The following P4HA2 variants were observed in gnomAD, a reference collection of about 807,000 sequenced individuals.
The protein encoded by P4HA2 is prolyl 4-hydroxylase subunit alpha 2, also known as prolyl 4-hydroxylase subunit alpha-2.
A neutral mutation model predicts 76.9 loss-of-function variants in P4HA2; 46 were observed. The observed-to-expected ratio is 0.60, with a 90% CI of 0.47 to 0.76. P4HA2 has a LOEUF of 0.76. Ranked by LOEUF, P4HA2 falls within the 30% of genes least tolerant of loss-of-function variation. The probability of loss-of-function intolerance (pLI) is 0.00; values close to 1 mark genes in which losing one functional copy is unlikely to be tolerated. For missense variants in P4HA2, 583 were observed against 669.4 expected, an observed-to-expected ratio of 0.87 and a Z score of 1.42; for synonymous variants, 243 against 254.0, an observed-to-expected ratio of 0.96 and a Z score of 0.41.
In P4HA2 at chr5:132,227,175, G is replaced by T. The variant is rs187677587; in HGVS notation, c.-19+615C>A. ...GCTTGCGGTTTCTGGCACACAGAAG[G>T]GTCCCGTTTGTTGAATTAGTTAACG... On this transcript the variant is annotated intron_variant, in intron 1 of 14. Transcript: ENST00000360568. 2.6e-5 allele frequency: 4 copies of T among 152,446 alleles called. No individual in the cohort carries two copies. The East Asian group carries it at 7.6e-4, about 29-fold the overall frequency. The allele number at this position is 152,446 out of a possible 1,614,324, so 9.4% of individuals were successfully genotyped here. A position where few individuals can be genotyped will look rare whatever the true frequency, so the allele number is the denominator to read the frequency against.
chr5:132,197,382 C>A (rs898081531), intron 12 of P4HA2, among the ~76,000 whole-genome samples: 1 of 151,986 alleles, frequency 6.6e-6, no homozygotes, highest in Non-Finnish European at 1.5e-5. Context: ...CCGAGGGGGG[C>A]GGATCACCTG....
chr5:132,223,154 C>G (rs1039108740), intron 1 of P4HA2, among the ~76,000 whole-genome samples: 13 of 152,376 alleles, frequency 8.5e-5, no homozygotes, highest in Non-Finnish European at 1.3e-4. Flanking sequence ...AAGTACCAGA[C>G]TGGCCTCCCC....
Position 132,213,954 on chromosome 5 carries a change from CTGTA to C in P4HA2, c.427_430del (p.Tyr143GlyfsTer21). 6.2e-7 allele frequency: 1 copy of C among 1,614,188 alleles called. No homozygotes were observed. The highest frequency in any genetic ancestry group is 8.5e-7 in the Non-Finnish European group (1 of 1,180,002). On this transcript the variant is annotated frameshift_variant, in exon 5 of 15. Transcript: ENST00000360568. LOFTEE classifies it high-confidence loss of function. ...TCTGGAAATTGTGCCTGGGTCCAGC[CTGTA>C]TGTGTCCTGAAGTCTCATCAGGGCT...
intron 13 of P4HA2, 36 bp from the exon 14 acceptor site, chr5:132,195,058 A>G: frequency 7.3e-7 from 1 of 1,376,292 alleles, no homozygotes; most frequent in Admixed American, 1.7e-5. Context: ...CACATTCTTA[A>G]GAGACTGTGC....
At chr5:132,217,890 G>C (rs1481882824) in intron 2 of P4HA2, 42 bp from the exon 3 acceptor site, 1 of 1,219,966 alleles carries the variant, frequency 8.2e-7, no homozygotes, top group Admixed American at 1.8e-5. Flanking sequence ...AAACAGATGA[G>C]GGATGTCCAG....
At chr5:132,223,614 A>T (rs1237819823) in intron 1 of P4HA2, among the ~76,000 whole-genome samples, 1 of 152,178 alleles carries the variant, frequency 6.6e-6, no homozygotes, top group South Asian at 2.1e-4. Context: ...TACACCTTCC[A>T]ATAAAGCATT....
At chr5:132,205,969 C>G (rs758257154) in intron 8 of P4HA2, among the ~76,000 whole-genome samples, 47 of 152,322 alleles carry the variant, frequency 3.1e-4, no homozygotes, top group Middle Eastern at 3.4e-3. Flanking sequence ...CCAAGTTAAG[C>G]TCATTGGCTC....
intron 11 of P4HA2, 43 bp downstream of exon 11, chr5:132,198,836 C>T (rs199722596): frequency 5.6e-5 from 79 of 1,410,518 alleles, no homozygotes; most frequent in Non-Finnish European, 7.3e-5. Context: ...CTCAAATCAG[C>T]TAGAGCAGGG....
At chr5:132,210,062 A>G (rs1752854094) in intron 6 of P4HA2, among the ~76,000 whole-genome samples, 1 of 152,200 alleles carries the variant, frequency 6.6e-6, no homozygotes, top group South Asian at 2.1e-4. Context: ...CACAGGCCTG[A>G]GCGTATCTAT....
intron 6 of P4HA2, among the ~76,000 whole-genome samples, chr5:132,210,048 G>C (rs1299404232): frequency 1.3e-5 from 2 of 152,190 alleles, no homozygotes; most frequent in Non-Finnish European, 2.9e-5. Flanking sequence ...AGGCCCACAA[G>C]TGCCACAGGC....
intron 1 of P4HA2, 98 bp from the exon 2 acceptor site, chr5:132,218,742 CAA>C: frequency 1.4e-6 from 1 of 694,976 alleles, no homozygotes; most frequent in Non-Finnish European, 2.5e-6. Context: ...TGCAGATAAT[CAA>C]ACATATCAAA....
intron 8 of P4HA2, among the ~76,000 whole-genome samples, chr5:132,204,929 CATGGCAA>C (rs548831397): frequency 1.3e-5 from 2 of 152,272 alleles, no homozygotes; most frequent in East Asian, 3.9e-4. Flanking sequence ...AGCCAGCCAA[CATGGCAA>C]AGGTCCATGT....
intron 1 of P4HA2, among the ~76,000 whole-genome samples, chr5:132,220,088 G>A (rs1225920871): frequency 2.0e-5 from 3 of 152,230 alleles, no homozygotes; most frequent in Non-Finnish European, 4.4e-5. Flanking sequence ...TGTGCTAAGG[G>A]GTCCATTAGG....
rs1750032021 is a variant in P4HA2 at position 132,192,748 on chromosome 5, A to G, written c.*262T>C. The G allele has an allele frequency of 2.4e-6, 1 of 416,760 alleles. No homozygotes were observed. Among genetic ancestry groups the G allele is most frequent in the African/African-American group, 2.0e-5 (1 of 50,568 alleles). The allele number at this position is 416,760 out of a possible 1,614,324, so 25.8% of individuals were successfully genotyped here. A position where few individuals can be genotyped will look rare whatever the true frequency, so the allele number is the denominator to read the frequency against. ...CACACCTAAAACACCTGAGGTACAA[A>G]GGCACCTTGCTAGGCGCTAGACAGC... On this transcript the variant is annotated 3_prime_UTR_variant, in exon 15 of 15. Coordinates refer to ENST00000360568, the MANE Select transcript of P4HA2 (RefSeq NM_001017974.2).
chr5:132,219,903 C>A (rs1462508546), intron 1 of P4HA2, among the ~76,000 whole-genome samples: 1 of 152,110 alleles, frequency 6.6e-6, no homozygotes, highest in Non-Finnish European at 1.5e-5. Context: ...CAACTCCCAT[C>A]TGCAAATGGA....
At chr5:132,206,532 G>T (rs930521596) in intron 8 of P4HA2, among the ~76,000 whole-genome samples, 1 of 152,142 alleles carries the variant, frequency 6.6e-6, no homozygotes, top group African/African-American at 2.4e-5. Context: ...ATAGAGAATC[G>T]AGCTAAATCC....
chr5:132,219,377 C>T (rs375043810), intron 1 of P4HA2, among the ~76,000 whole-genome samples: 61 of 152,326 alleles, frequency 4.0e-4, no homozygotes, highest in African/African-American at 1.4e-3. Flanking sequence ...CTGATCTAGG[C>T]ACTCAGGATA....
intron 11 of P4HA2, 114 bp downstream of exon 11, chr5:132,198,760 TGGAGG>T (rs748351755): frequency 2.7e-6 from 2 of 736,312 alleles, no homozygotes; most frequent in Non-Finnish European, 4.9e-6. Context: ...GATGCAGAGG[TGGAGG>T]GAGGACAAGG....
chr5:132,198,263 C>T (rs929498914), intron 12 of P4HA2, 58 bp downstream of exon 12: 26 of 1,614,122 alleles, frequency 1.6e-5, no homozygotes, highest in Non-Finnish European at 2.1e-5. Context: ...AAGTATCTCG[C>T]TCATCATTCT....
Sources: allele counts gnomAD v4.1 joint callset (sites outside exome capture counted in the v4.1 genomes callset), GRCh38; gene constraint gnomAD v4.1.1; transcripts MANE v1.5; gene names NCBI Gene and HGNC (gene_info 2026-07-23, HGNC 2026-07-21).